STIM1: variants seen among roughly 807,000 people sequenced by gnomAD.
STIM1 encodes stromal interaction molecule 1.
STIM1 carries 25 observed loss-of-function variants against 74.7 expected under a neutral mutation model. The observed-to-expected ratio is 0.33, with a 90% CI of 0.24 to 0.47. The LOEUF (loss-of-function observed/expected upper bound fraction) is 0.47, where lower values mean the gene tolerates loss of function less well. Ranked by LOEUF, STIM1 falls within the 20% of genes least tolerant of loss-of-function variation. The pLI, the probability that STIM1 is intolerant of heterozygous loss-of-function variation, is 1.00. For synonymous variants in STIM1, 328 were observed against 348.8 expected (o/e 0.94, Z 0.66); for missense variants, 728 against 920.8 (o/e 0.79, Z 2.71).
intron 1 of STIM1, among the ~76,000 whole-genome samples, chr11:3,940,174 T>C (rs2092988053): frequency 6.6e-6 from 1 of 152,204 alleles, no homozygotes; most frequent in Non-Finnish European, 1.5e-5. Context: ...TTCCGTCTTC[T>C]AGTGAGCCCA....
chr11:3,921,369 C>T (rs778191874), intron 1 of STIM1, among the ~76,000 whole-genome samples: 1 of 152,200 alleles, frequency 6.6e-6, no homozygotes, highest in Non-Finnish European at 1.5e-5. Flanking sequence ...GGGAACATAT[C>T]AGTATTCCTT....
chr11:3,992,917 G>GGT (rs1181504535), intron 2 of STIM1, among the ~76,000 whole-genome samples: 1 of 152,018 alleles, frequency 6.6e-6, no homozygotes. Flanking sequence ...ACATCTATTG[G>GGT]TAAATCCTGT....
At chr11:3,876,867 G>A (rs2091322148) in intron 1 of STIM1, among the ~76,000 whole-genome samples, 1 of 152,138 alleles carries the variant, frequency 6.6e-6, no homozygotes, top group Non-Finnish European at 1.5e-5. Context: ...GTATTCACCA[G>A]GAGTAGTGCC....
At chr11:3,956,322 T>C (rs2093212008) in intron 1 of STIM1, among the ~76,000 whole-genome samples, 1 of 152,142 alleles carries the variant, frequency 6.6e-6, no homozygotes, top group Admixed American at 6.5e-5. Context: ...TGAATTAGGA[T>C]TGGTGATTGA....
chr11:3,991,963 AAAAAAAAAAG>A (rs2093616343), intron 2 of STIM1, among the ~76,000 whole-genome samples: 5 of 121,196 alleles, frequency 4.1e-5, no homozygotes, highest in African/African-American at 1.4e-4. Context: ...AAAAAAAAAA[AAAAAAAAAAG>A]AAAAAAAAAA....
intron 5 of STIM1, among the ~76,000 whole-genome samples, chr11:4,063,230 C>G (rs1250133246): frequency 6.6e-6 from 1 of 152,182 alleles, no homozygotes; most frequent in African/African-American, 2.4e-5. Flanking sequence ...ATAGTACAAT[C>G]ATTGAATTGC....
intron 2 of STIM1, among the ~76,000 whole-genome samples, chr11:4,017,940 A>G (rs1203332493): frequency 1.3e-5 from 2 of 152,242 alleles, no homozygotes; most frequent in Non-Finnish European, 2.9e-5. Flanking sequence ...TTTTAAAAAT[A>G]TAAATGTCTT....
intron 2 of STIM1, among the ~76,000 whole-genome samples, chr11:4,012,015 T>TCAAATA: frequency 6.6e-6 from 1 of 152,362 alleles, no homozygotes; most frequent in Admixed American, 6.5e-5. Flanking sequence ...GACAGGTTTG[T>TCAAATA]CAAATATTAG....
intron 3 of STIM1, among the ~76,000 whole-genome samples, chr11:4,038,190 A>G (rs1290732608): frequency 6.6e-6 from 1 of 151,942 alleles, no homozygotes; most frequent in Non-Finnish European, 1.5e-5. Context: ...GCATGCCACT[A>G]CGCCCAGCTA....
chr11:3,908,829 C>T (rs184177606), intron 1 of STIM1, among the ~76,000 whole-genome samples: 17 of 152,152 alleles, frequency 1.1e-4, no homozygotes, highest in Non-Finnish European at 1.8e-4. Context: ...GGACATTGCT[C>T]ATTCACTCAC....
chr11:3,906,766 C>T (rs2092471871), intron 1 of STIM1, among the ~76,000 whole-genome samples: 1 of 152,122 alleles, frequency 6.6e-6, no homozygotes, highest in South Asian at 2.1e-4. Flanking sequence ...GAGCACAGTG[C>T]TAGGCATGTA....
At position 3,956,823 on chromosome 11, in the gene STIM1, C is replaced by CAAAAAAAAAAAAA. The variant is rs78285130; in HGVS notation, c.140-10713_140-10701dup. Among the ~76,000 whole-genome samples, 6 of 38,198 alleles carry CAAAAAAAAAAAAA rather than the reference C, an allele frequency of 1.6e-4. 1 individual carries two copies. Among genetic ancestry groups the CAAAAAAAAAAAAA allele is most frequent in the East Asian group, 8.3e-4 (1 of 1,210 alleles). 25.1% of individuals were successfully genotyped at this position (38,198 alleles called of 152,430 possible). On this transcript the variant is annotated intron_variant, in intron 1 of 12. Transcript: ENST00000526596. ...GGGTGACAGAGCAAGACCCTGTCTC[C>CAAAAAAAAAAAAA]AAAAAAAAAAAAAAAAAAAAAAAAA...
At chr11:4,088,354 A>G (rs147018353) in intron 12 of STIM1, among the ~76,000 whole-genome samples, 248 of 152,102 alleles carry the variant, frequency 1.6e-3, no homozygotes, top group African/African-American at 5.2e-3. Flanking sequence ...TTTTAGTTCT[A>G]TCTCACTCTG....
chr11:3,975,507 A>G (rs2093438641), intron 2 of STIM1, among the ~76,000 whole-genome samples: 1 of 152,176 alleles, frequency 6.6e-6, no homozygotes, highest in Admixed American at 6.5e-5. Flanking sequence ...AATCCCAGTT[A>G]CTGGGAAGGC....
At chr11:4,004,991 A>G (rs1463022665) in intron 2 of STIM1, among the ~76,000 whole-genome samples, 2 of 152,276 alleles carry the variant, frequency 1.3e-5, no homozygotes, top group Non-Finnish European at 2.9e-5. Flanking sequence ...AATGCTCATC[A>G]TCACTGGTCA....
intron 1 of STIM1, among the ~76,000 whole-genome samples, chr11:3,880,695 C>T (rs1375858529): frequency 1.3e-5 from 2 of 152,276 alleles, no homozygotes; most frequent in East Asian, 1.9e-4. Context: ...TTCAGACCAT[C>T]GTGCGATGGT....
intron 1 of STIM1, among the ~76,000 whole-genome samples, chr11:3,870,088 A>T (rs1412325894): frequency 5.3e-5 from 8 of 152,202 alleles, no homozygotes; most frequent in Admixed American, 5.2e-4. Flanking sequence ...GCTACACTCC[A>T]CAGGACTTCA....
At chr11:3,924,000 T>TATTC (rs2092753379) in intron 1 of STIM1, among the ~76,000 whole-genome samples, 2 of 151,956 alleles carry the variant, frequency 1.3e-5, no homozygotes, top group South Asian at 4.1e-4. Context: ...TCAGTTTATT[T>TATTC]ATTTATTTAT....
intron 3 of STIM1, among the ~76,000 whole-genome samples, chr11:4,036,030 C>CA (rs1425854401): frequency 1.3e-5 from 2 of 152,098 alleles, no homozygotes; most frequent in African/African-American, 4.8e-5. Flanking sequence ...ACTCCCCTGA[C>CA]AATGTATGTT....
Sources: allele counts gnomAD v4.1 joint callset (sites outside exome capture counted in the v4.1 genomes callset), GRCh38; gene constraint gnomAD v4.1.1; transcripts MANE v1.5; gene names NCBI Gene and HGNC (gene_info 2026-07-23, HGNC 2026-07-21).